Variants in SMARCAD1 observed in about 807,000 individuals in gnomAD.
The protein encoded by SMARCAD1 is SWI/SNF-related matrix-associated actin-dependent regulator of chromatin subfamily A containing DEAD/H box 1.
A neutral mutation model predicts 127.1 loss-of-function variants in SMARCAD1; 25 were observed. That is an observed-to-expected ratio of 0.20 (90% CI 0.14 to 0.27). The LOEUF (loss-of-function observed/expected upper bound fraction) is 0.27. Ranked by LOEUF, SMARCAD1 falls within the 10% of genes least tolerant of loss-of-function variation. The pLI is 1.00. For missense variants in SMARCAD1, 807 were observed against 1,206.0 expected (o/e 0.67, Z 4.90); for synonymous variants, 400 against 396.9 (o/e 1.01, Z -0.09).
At position 94,253,002 on chromosome 4, in the gene SMARCAD1, G is replaced by A; in HGVS notation, c.1276G>A (p.Ala426Thr). The A allele has an allele frequency of 6.2e-7, 1 of 1,611,900 alleles. No individual in the cohort carries two copies. The highest frequency in any genetic ancestry group is 1.1e-5 in the South Asian group (1 of 91,070). ...TELRPFNSWEALFTKMSKTNG... is the reference protein window; with the variant it reads ...TELRPFNSWETLFTKMSKTNG... The stretch of plus-strand genomic sequence containing the variant: ...ACTCCGGCCCTTTAATAGTTGGGAG[G>A]CTCTGGTAAGGCTTTATTCTTTTTT... Residue 426 changes from alanine (A) to threonine (T), a missense_variant, in exon 9 of 24, where the codon GCT becomes ACT. Coordinates refer to ENST00000354268, the MANE Select transcript of SMARCAD1 (RefSeq NM_020159.5).
At chr4:94,257,126 G>C (rs1309799604) in intron 9 of SMARCAD1, among the ~76,000 whole-genome samples, 1 of 152,144 alleles carries the variant, frequency 6.6e-6, no homozygotes, top group Non-Finnish European at 1.5e-5. Context: ...GAAGAGATAT[G>C]ATTGGGGCCA....
At chr4:94,253,177 A>G in intron 9 of SMARCAD1, 170 bp downstream of exon 9, 2 of 1,507,984 alleles carry the variant, frequency 1.3e-6, no homozygotes, top group Non-Finnish European at 1.8e-6. Flanking sequence ...ATAGTGTCAT[A>G]TGACCTAATT....
At chr4:94,221,064 A>T (rs1424152738) in intron 2 of SMARCAD1, among the ~76,000 whole-genome samples, 1 of 152,250 alleles carries the variant, frequency 6.6e-6, no homozygotes, top group Non-Finnish European at 1.5e-5. Flanking sequence ...GAACAAAGTA[A>T]TACAAAGAAA....
At chr4:94,288,819 C>G (rs1303603967) in intron 23 of SMARCAD1, among the ~76,000 whole-genome samples, 1 of 152,146 alleles carries the variant, frequency 6.6e-6, no homozygotes, top group African/African-American at 2.4e-5. Context: ...AAAATATTCT[C>G]AGTGCTAAAT....
At chr4:94,226,863 C>CT (rs142493532) in intron 3 of SMARCAD1, among the ~76,000 whole-genome samples, 3,174 of 146,228 alleles carry the variant, frequency 0.022, 99 homozygotes, top group African/African-American at 0.073. Flanking sequence ...GGAATCGTTT[C>CT]TTTTTTTTTT....
chr4:94,273,564 AT>A (rs1579311470), intron 11 of SMARCAD1, 52 bp from the exon 12 acceptor site: 1 of 1,288,956 alleles, frequency 7.8e-7, no homozygotes, highest in East Asian at 2.5e-5. Context: ...ATTTTTATGT[AT>A]TTATTTTTTG....
chr4:94,237,216 A>G (rs1001200961), intron 5 of SMARCAD1, among the ~76,000 whole-genome samples, 198 bp downstream of exon 5: 1 of 152,076 alleles, frequency 6.6e-6, no homozygotes, highest in Non-Finnish European at 1.5e-5. Flanking sequence ...TTTTCTACCA[A>G]TCAAATCTTG....
intron 3 of SMARCAD1, among the ~76,000 whole-genome samples, chr4:94,230,230 A>C (rs376546580): frequency 2.2e-4 from 33 of 152,050 alleles, no homozygotes; most frequent in African/African-American, 7.7e-4. Context: ...TCCCTTCTCC[A>C]TTCAAACCTT....
At chr4:94,267,053 G>A (rs934567114) in intron 10 of SMARCAD1, among the ~76,000 whole-genome samples, 2 of 146,926 alleles carry the variant, frequency 1.4e-5, no homozygotes, top group African/African-American at 5.0e-5. Flanking sequence ...TAAAGCTTTA[G>A]TTAATTAATC....
Position 94,252,613 on chromosome 4 carries a change from C to T in SMARCAD1, c.890-3C>T. 6.5e-7 allele frequency: 1 copy of T among 1,531,194 alleles called. No individual in the cohort carries two copies. The highest frequency in any genetic ancestry group is 8.8e-7 in the Non-Finnish European group (1 of 1,138,272). The allele number at this position is 1,531,194 out of a possible 1,614,324, so 94.9% of individuals were successfully genotyped here. On this transcript the variant is annotated splice_polypyrimidine_tract_variant and splice_region_variant and intron_variant, in intron 8 of 23. Transcript: ENST00000354268. ...AGTTACTGTTTTTGTCTTTTATATA[C>T]AGATATGCAATATGTATCACAAAGT...
chr4:94,264,709 C>A lies in SMARCAD1; in HGVS notation c.1284C>A (p.Phe428Leu). 6.2e-7 allele frequency: 1 copy of A among 1,610,568 alleles called. No individual in the cohort carries two copies. ...LRPFNSWEAL[F>L]TKMSKTNGLS... Reference sequence around the variant, plus strand: ...TTATTTTTCTTTTTATGCTATAGTTCACAAAGATGTCCAAAACTAATGGCT... The same window carrying A: ...TTATTTTTCTTTTTATGCTATAGTTAACAAAGATGTCCAAAACTAATGGCT... Residue 428 changes from phenylalanine to leucine, a missense_variant and splice_region_variant, in exon 10 of 24, where the codon TTC becomes TTA. Around this residue, in one of 8 missense-constraint regions of SMARCAD1, gnomAD observed 257 missense variants for 303.4 expected, o/e 0.85. Transcript: ENST00000354268.
chr4:94,218,184 C>T (rs1034332654), intron 2 of SMARCAD1, among the ~76,000 whole-genome samples: 1 of 152,032 alleles, frequency 6.6e-6, no homozygotes, highest in Non-Finnish European at 1.5e-5. Context: ...GGTATAAAGT[C>T]TATTATTTAG....
chr4:94,285,119 AT>A (rs1560572266), intron 23 of SMARCAD1, 50 bp downstream of exon 23: 3 of 1,201,322 alleles, frequency 2.5e-6, no homozygotes, highest in Non-Finnish European at 3.7e-6. Context: ...ATGACCATGC[AT>A]CTAATTAGTC....
intron 23 of SMARCAD1, among the ~76,000 whole-genome samples, chr4:94,286,553 C>T (rs1047680120): frequency 2.0e-5 from 3 of 152,094 alleles, no homozygotes; most frequent in Non-Finnish European, 4.4e-5. Context: ...ATTCTTTCAT[C>T]GTTTTCTTTC....
intron 23 of SMARCAD1, among the ~76,000 whole-genome samples, chr4:94,286,451 G>T (rs1754951805): frequency 6.6e-6 from 1 of 152,194 alleles, no homozygotes; most frequent in South Asian, 2.1e-4. Context: ...AGCTTTGAAG[G>T]TAGAAGGGTA....
intron 21 of SMARCAD1, among the ~76,000 whole-genome samples, chr4:94,282,286 C>T (rs528410406): frequency 1.6e-4 from 23 of 146,260 alleles, no homozygotes; most frequent in African/African-American, 5.0e-4. Flanking sequence ...TTAGTAGAGA[C>T]GGGGTTTCAC....
chr4:94,230,943 A>T (rs1745744887), intron 3 of SMARCAD1, among the ~76,000 whole-genome samples: 1 of 152,184 alleles, frequency 6.6e-6, no homozygotes. Flanking sequence ...ATTTTCAAGG[A>T]TATGTTTGTC....
chr4:94,228,434 A>G (rs573711882), intron 3 of SMARCAD1, among the ~76,000 whole-genome samples: 1 of 152,302 alleles, frequency 6.6e-6, no homozygotes, highest in East Asian at 1.9e-4. Flanking sequence ...GCATATTAAC[A>G]GTAATATTTC....
At chr4:94,275,213 C>T (rs556595099) in intron 14 of SMARCAD1, among the ~76,000 whole-genome samples, 24 of 152,108 alleles carry the variant, frequency 1.6e-4, no homozygotes, top group African/African-American at 2.9e-4. Context: ...TGAAAAAAGT[C>T]GTCTTGTAAT....
Sources: gnomAD v4.1 joint callset for allele counts (sites outside exome capture counted in the v4.1 genomes callset) on GRCh38, gnomAD v4.1.1 for gene constraint, gnomAD v4.1.1 regional missense constraint, MANE v1.5 for transcripts, NCBI Gene and HGNC (gene_info 2026-07-23, HGNC 2026-07-21) for gene names.